GLMN: variants seen among roughly 807,000 people sequenced by gnomAD.
GLMN encodes glomulin, FKBP associated protein, also known as glomulin.
A neutral mutation model predicts 87.8 loss-of-function variants in GLMN; 75 were observed. The ratio of observed to expected loss-of-function variants is 0.85; its 90% CI spans 0.71 to 1.04. GLMN has a LOEUF of 1.04. Ranked by LOEUF, GLMN falls within the 50% of genes least tolerant of loss-of-function variation. The pLI is 0.00. For synonymous variants in GLMN, 206 were observed against 221.6 expected (o/e 0.93, Z 0.63); for missense variants, 588 against 658.8 (o/e 0.89, Z 1.18).
chr1:92,348,117 C>T, the GLMN span, among the ~76,000 whole-genome samples: 1 of 152,142 alleles, frequency 6.6e-6, no homozygotes, highest in Non-Finnish European at 1.5e-5. Flanking sequence ...TCTCGAACTC[C>T]TGACCTTGTG....
the GLMN span, among the ~76,000 whole-genome samples, chr1:92,349,175 A>G: frequency 3.3e-5 from 5 of 152,234 alleles, no homozygotes; most frequent in Admixed American, 6.5e-5. Context: ...ACTTGTAGAC[A>G]TTTCTGGAAT....
At chr1:92,327,869 A>T in the GLMN span, among the ~76,000 whole-genome samples, 1 of 152,174 alleles carries the variant, frequency 6.6e-6, no homozygotes, top group Non-Finnish European at 1.5e-5. Context: ...GAATTCTCTC[A>T]GAATTTGTTT....
rs528326427 is a variant in GLMN at position 92,290,243 on chromosome 1, G to C, written c.349C>G (p.Gln117Glu). Residue 117 changes from glutamine (Q) to glutamate (E), a missense_variant, in exon 5 of 19, where the codon CAG (glutamine) becomes GAG (glutamate). Gln to Glu is a conservative substitution (Grantham distance 29). Coordinates refer to ENST00000370360, the MANE Select transcript of GLMN (RefSeq NM_053274.3). ...LELIEEPSGK[Q>E]ISQSILLLLQ... Reference sequence around the variant, plus strand: ...AAAAGAAGAATACTTTGGGATATCTGTTTTCCAGAGGGCTCTTCAATCAGT... The same window carrying C: ...AAAAGAAGAATACTTTGGGATATCTCTTTTCCAGAGGGCTCTTCAATCAGT... 134 of 1,610,318 alleles carry C rather than the reference G, an allele frequency of 8.3e-5. 2 individuals carry two copies. The South Asian group carries it at 1.4e-3, about 17-fold the overall frequency.
the GLMN span, among the ~76,000 whole-genome samples, chr1:92,313,524 G>A: frequency 2.0e-5 from 3 of 151,180 alleles, no homozygotes; most frequent in Non-Finnish European, 4.4e-5. Flanking sequence ...ATGTGCAGTC[G>A]TTTAGGCTTT....
chr1:92,278,066 GGTGTCCGTT>G (rs1269830706), intron 7 of GLMN, among the ~76,000 whole-genome samples: 1 of 152,116 alleles, frequency 6.6e-6, no homozygotes, highest in African/African-American at 2.4e-5. Context: ...ACACCCAATT[GGTGTCCGTT>G]GTACAACTGC....
At chr1:92,290,085 T>A (rs1649221273) in intron 5 of GLMN, 113 bp downstream of exon 5, 1 of 722,598 alleles carries the variant, frequency 1.4e-6, no homozygotes, top group Non-Finnish European at 2.5e-6. Flanking sequence ...TTAAGCAGAG[T>A]ACTCACTAAT....
At chr1:92,332,386 T>G in the GLMN span, among the ~76,000 whole-genome samples, 1 of 152,138 alleles carries the variant, frequency 6.6e-6, no homozygotes, top group Non-Finnish European at 1.5e-5. Flanking sequence ...ATATTAAACA[T>G]GTATTTTAAA....
chr1:92,247,096 TCTTCTC>T lies in GLMN; in HGVS notation c.1628_1633del (p.Gly543_Glu544del). 6.3e-7 allele frequency: 1 copy of T among 1,578,660 alleles called. No homozygotes were observed. The highest frequency in any genetic ancestry group is 8.7e-7 in the Non-Finnish European group (1 of 1,148,554). The stretch of plus-strand genomic sequence containing the variant: ...CATTTCAGGAGGCATATTAGGGATC[TCTTCTC>T]CACTTACAGTTATAGAACAAAGATC... On this transcript the variant is annotated inframe_deletion, in exon 18 of 19. Coordinates refer to ENST00000370360, the MANE Select transcript of GLMN (RefSeq NM_053274.3).
Position 92,297,288 on chromosome 1 carries a change from T to C in GLMN, c.165+116A>G, listed in dbSNP as rs1650204687. On this transcript the variant is annotated intron_variant, in intron 3 of 18. Transcript: ENST00000370360. ...AATTCTTTTTTTGTTTTCAGTTCCC[T>C]ACTGTGAAAATTTAAGTAGATTCTT... 8.7e-6 allele frequency: 12 copies of C among 1,373,430 alleles called. No individual in the cohort carries two copies. The East Asian group carries it at 2.6e-4, about 30-fold the overall frequency. The allele number at this position is 1,373,430 out of a possible 1,614,324, so 85.1% of individuals were successfully genotyped here.
At chr1:92,249,902 T>G (rs750877724) in intron 16 of GLMN, among the ~76,000 whole-genome samples, 7 of 152,188 alleles carry the variant, frequency 4.6e-5, no homozygotes, top group Non-Finnish European at 8.8e-5. Flanking sequence ...TATTTCAATG[T>G]AATGACATGT....
upstream of GLMN, chr1:92,300,263 A>G: frequency 6.4e-7 from 1 of 1,569,048 alleles, no homozygotes; most frequent in Non-Finnish European, 8.8e-7. Context: ...ATGGACAACT[A>G]CATTGGCATA....
intron 16 of GLMN, among the ~76,000 whole-genome samples, 179 bp downstream of exon 16, chr1:92,262,684 G>GA (rs1356805882): frequency 6.6e-6 from 1 of 152,224 alleles, no homozygotes; most frequent in Non-Finnish European, 1.5e-5. Context: ...AGGAAAGCTG[G>GA]ATGTGGGGTG....
At chr1:92,299,214 G>C, upstream of GLMN, 1 of 989,910 alleles carries the variant, frequency 1.0e-6, no homozygotes, top group Non-Finnish European at 1.4e-6. Flanking sequence ...GTTATAGACC[G>C]CAGCGCGCGG....
At chr1:92,344,202 G>A in the GLMN span, among the ~76,000 whole-genome samples, 1 of 152,178 alleles carries the variant, frequency 6.6e-6, no homozygotes, top group Non-Finnish European at 1.5e-5. Flanking sequence ...TTGAGGCCAG[G>A]AGTTAGAGAT....
At chr1:92,361,394 T>C in the GLMN span, among the ~76,000 whole-genome samples, 3 of 152,176 alleles carry the variant, frequency 2.0e-5, no homozygotes, top group East Asian at 5.8e-4. Flanking sequence ...TATTTGTTGA[T>C]ACATCAAAAG....
chr1:92,281,366 C>T (rs529398566), intron 7 of GLMN, among the ~76,000 whole-genome samples: 1 of 152,300 alleles, frequency 6.6e-6, no homozygotes, highest in East Asian at 1.9e-4. Flanking sequence ...TCCAGCCAAA[C>T]TAAGCTGCAT....
chr1:92,286,424 G>T, intron 7 of GLMN, 66 bp downstream of exon 7: 1 of 793,110 alleles, frequency 1.3e-6, no homozygotes. Context: ...CAATTTACAT[G>T]TGCAGTACTG....
At chr1:92,254,971 TAAAG>T (rs1654023539) in intron 16 of GLMN, among the ~76,000 whole-genome samples, 1 of 151,648 alleles carries the variant, frequency 6.6e-6, no homozygotes, top group Non-Finnish European at 1.5e-5. Context: ...GCAAATTGAA[TAAAG>T]AGTCAAGACC....
the GLMN span, among the ~76,000 whole-genome samples, chr1:92,309,374 G>A: frequency 6.3e-4 from 96 of 151,460 alleles, 1 homozygote; most frequent in African/African-American, 2.2e-3. Flanking sequence ...CCTGGGAGGC[G>A]GAGGTTGCAG....
Sources: allele counts gnomAD v4.1 joint callset (sites outside exome capture counted in the v4.1 genomes callset), GRCh38; gene constraint gnomAD v4.1.1; transcripts MANE v1.5; gene names NCBI Gene and HGNC (gene_info 2026-07-23, HGNC 2026-07-21).